MCC: variants seen among roughly 807,000 people sequenced by gnomAD.
MCC encodes MCC regulator of Wnt signaling pathway.
In MCC, 90 loss-of-function variants were observed where a neutral mutation model predicts 116.2. The observed-to-expected ratio is 0.77, with a 90% CI of 0.65 to 0.92. MCC has a LOEUF of 0.92. Ranked by LOEUF, MCC falls within the 40% of genes least tolerant of loss-of-function variation. The pLI is 0.00. For missense variants in MCC, 1,516 were observed against 1,312.2 expected (o/e 1.16, Z -2.40); for synonymous variants, 578 against 510.5 (o/e 1.13, Z -1.78).
intron 3 of MCC, among the ~76,000 whole-genome samples, chr5:113,312,178 G>A (rs566226726): frequency 6.6e-6 from 1 of 152,284 alleles, no homozygotes; most frequent in East Asian, 1.9e-4. Flanking sequence ...TGGGGAGGCT[G>A]AGGCAGGAGA....
chr5:113,132,427 C>CATATATATATATATATAT (rs1162820789), intron 5 of MCC, among the ~76,000 whole-genome samples: 3 of 107,320 alleles, frequency 2.8e-5, no homozygotes, highest in South Asian at 6.0e-4. Context: ...TACACACATA[C>CATATATATATATATATAT]ATATATATAT....
intron 11 of MCC, among the ~76,000 whole-genome samples, chr5:113,071,518 G>A (rs1028835482): frequency 6.6e-6 from 1 of 152,186 alleles, no homozygotes; most frequent in African/African-American, 2.4e-5. Context: ...CTAGGCTCTG[G>A]AGATATTCCA....
chr5:113,131,626 C>T (rs1006213852), intron 5 of MCC, among the ~76,000 whole-genome samples: 1 of 152,152 alleles, frequency 6.6e-6, no homozygotes, highest in Non-Finnish European at 1.5e-5. Context: ...TGAGTAAAGG[C>T]CACCAAGAGC....
At chr5:113,229,855 T>C (rs1427122926) in intron 3 of MCC, among the ~76,000 whole-genome samples, 1 of 152,212 alleles carries the variant, frequency 6.6e-6, no homozygotes, top group East Asian at 1.9e-4. Flanking sequence ...ATGGCCTAGA[T>C]GTGTAGTAAG....
At chr5:113,162,932 A>C (rs1027764576) in intron 3 of MCC, among the ~76,000 whole-genome samples, 3 of 152,284 alleles carry the variant, frequency 2.0e-5, no homozygotes, top group African/African-American at 4.8e-5. Context: ...CTGATTAAGC[A>C]ATCAGAATGA....
intron 3 of MCC, among the ~76,000 whole-genome samples, chr5:113,186,695 C>A (rs957935843): frequency 2.6e-5 from 4 of 152,064 alleles, no homozygotes; most frequent in African/African-American, 4.8e-5. Flanking sequence ...TACCTATTAG[C>A]CCTGGGATGT....
intron 3 of MCC, among the ~76,000 whole-genome samples, chr5:113,307,276 A>G (rs983159512): frequency 1.3e-5 from 2 of 152,246 alleles, no homozygotes; most frequent in Non-Finnish European, 2.9e-5. Flanking sequence ...CTTCCAATCC[A>G]TGAACATAGG....
At chr5:113,232,754 A>C (rs1386539835) in intron 3 of MCC, among the ~76,000 whole-genome samples, 4 of 152,192 alleles carry the variant, frequency 2.6e-5, no homozygotes, top group Non-Finnish European at 5.9e-5. Context: ...CAGAACTTTC[A>C]TACGGATCTT....
chr5:113,148,088 T>G (rs1759634003), intron 4 of MCC, among the ~76,000 whole-genome samples: 1 of 152,254 alleles, frequency 6.6e-6, no homozygotes, highest in South Asian at 2.1e-4. Flanking sequence ...TTTAAAATAA[T>G]TGTTGGTACT....
At position 113,071,111 on chromosome 5, in the gene MCC, C is replaced by A; in HGVS notation, c.1908G>T (p.Arg636Ser). ...GKYESNATAL[R>S]LALQYSEQCI... ...GTGCCTACCTGTACTGCAAGGCCAGCCTCAGCGCTGTGGCATTGGATTCGT... is the reference window on the plus strand; with the variant it reads ...GTGCCTACCTGTACTGCAAGGCCAGACTCAGCGCTGTGGCATTGGATTCGT... The change falls in exon 12 of 19, where the codon AGG becomes AGT. Residue 636 changes from arginine (R) to serine (S), a missense_variant. Physicochemically the swap from Arg to Ser is moderately radical, Grantham distance 110. Transcript: ENST00000408903. 7.5e-6 allele frequency: 12 copies of A among 1,601,592 alleles called. No homozygotes were observed. Among genetic ancestry groups the A allele is most frequent in the Non-Finnish European group, 1.0e-5 (12 of 1,175,262 alleles).
chr5:113,189,365 AC>A (rs1762045654), intron 3 of MCC, among the ~76,000 whole-genome samples: 1 of 152,210 alleles, frequency 6.6e-6, no homozygotes, highest in Admixed American at 6.5e-5. Context: ...GCCCAATTTT[AC>A]AGTTAAACAG....
In MCC at chr5:113,101,926, C is replaced by T; in HGVS notation, c.1211G>A (p.Gly404Glu). Residue 404 changes from glycine (G) to glutamate (E), a missense_variant, in exon 8 of 19, where the codon GGG becomes GAG. Transcript: ENST00000408903. The stretch of plus-strand genomic sequence containing the variant: ...GGGATACAGGTCCCGGCCAAGCACC[C>T]CCTCAATCTCCTCGACTGTCTGTAA... ...LAIKTVEEIE[G>E]VLGRDLYPNL... The T allele has an allele frequency of 6.2e-7, 1 of 1,613,870 alleles. No individual in the cohort carries two copies. Among genetic ancestry groups the T allele is most frequent in the South Asian group, 1.1e-5 (1 of 91,078 alleles).
intron 6 of MCC, among the ~76,000 whole-genome samples, chr5:113,120,189 G>A (rs1757652250): frequency 1.3e-5 from 2 of 152,146 alleles, no homozygotes; most frequent in Non-Finnish European, 2.9e-5. Context: ...TGAAGCTTGG[G>A]GCTGCCAGGG....
At chr5:113,117,077 C>G (rs1014676609) in intron 6 of MCC, among the ~76,000 whole-genome samples, 8 of 152,202 alleles carry the variant, frequency 5.3e-5, no homozygotes, top group African/African-American at 1.9e-4. Flanking sequence ...TCATTCCTAG[C>G]AAAAAGTGAG....
At chr5:113,406,703 C>T (rs989887194) in intron 1 of MCC, among the ~76,000 whole-genome samples, 2 of 152,072 alleles carry the variant, frequency 1.3e-5, no homozygotes, top group African/African-American at 4.8e-5. Flanking sequence ...AAATGAGGAA[C>T]AAACTAAGAA....
intron 1 of MCC, among the ~76,000 whole-genome samples, chr5:113,416,011 T>C (rs2150404960): frequency 6.6e-6 from 1 of 152,308 alleles, no homozygotes; most frequent in African/African-American, 2.4e-5. Flanking sequence ...GTTAGTTTCC[T>C]TCTAACAGTC....
chr5:113,103,325 C>T (rs374689239), intron 7 of MCC, among the ~76,000 whole-genome samples: 1 of 152,172 alleles, frequency 6.6e-6, no homozygotes, highest in African/African-American at 2.4e-5. Context: ...GGCTTTGTCC[C>T]TAGCTGGTTG....
intron 3 of MCC, among the ~76,000 whole-genome samples, chr5:113,332,564 CAAAAAAA>C (rs35391036): frequency 1.1e-5 from 1 of 88,408 alleles, no homozygotes. Flanking sequence ...AACCTGTCTC[CAAAAAAA>C]AAAAAAAAAA....
chr5:113,286,974 A>G (rs537606734), intron 3 of MCC, among the ~76,000 whole-genome samples: 1 of 152,222 alleles, frequency 6.6e-6, no homozygotes, highest in African/African-American at 2.4e-5. Flanking sequence ...TATTTACTCT[A>G]TAAATTGAAC....
Sources: gnomAD v4.1 joint callset for allele counts (sites outside exome capture counted in the v4.1 genomes callset) on GRCh38, gnomAD v4.1.1 for gene constraint, MANE v1.5 for transcripts, NCBI Gene and HGNC (gene_info 2026-07-23, HGNC 2026-07-21) for gene names.